Variants in AGBL1 observed in about 807,000 individuals in gnomAD.
AGBL1 encodes the protein AGBL carboxypeptidase 1.
Under a neutral mutation model 118.9 loss-of-function variants are expected in AGBL1, and 130 were observed. The ratio of observed to expected loss-of-function variants is 1.09; its 90% CI spans 0.95 to 1.26. AGBL1 has a LOEUF of 1.26. Ranked by LOEUF, AGBL1 falls within the 50% of genes most tolerant of loss-of-function variation. The probability of loss-of-function intolerance (pLI) is 0.00; values close to 1 mark genes in which losing one functional copy is unlikely to be tolerated. For synonymous variants in AGBL1, 555 were observed against 478.9 expected, an observed-to-expected ratio of 1.16 and a Z score of -2.08; for missense variants, 1,584 against 1,298.1, an observed-to-expected ratio of 1.22 and a Z score of -3.38.
At chr15:86,639,852 G>A (rs1290539133) in intron 21 of AGBL1, among the ~76,000 whole-genome samples, 2 of 152,142 alleles carry the variant, frequency 1.3e-5, no homozygotes, top group Non-Finnish European at 2.9e-5. Flanking sequence ...ATCACATTAC[G>A]TTTTCTGGGT....
chr15:86,381,788 A>G (rs1329349641), intron 17 of AGBL1, among the ~76,000 whole-genome samples: 2 of 152,176 alleles, frequency 1.3e-5, no homozygotes, highest in Non-Finnish European at 2.9e-5. Context: ...CAGGAGCAGA[A>G]CAGAGCATAT....
chr15:86,459,233 AT>A (rs373648921), intron 18 of AGBL1, among the ~76,000 whole-genome samples: 12 of 152,172 alleles, frequency 7.9e-5, no homozygotes, highest in African/African-American at 2.9e-4. Flanking sequence ...GTAATATCAC[AT>A]TTATAGAACT....
intron 1 of AGBL1, among the ~76,000 whole-genome samples, chr15:86,096,969 G>A (rs966693226): frequency 6.6e-6 from 1 of 152,076 alleles, no homozygotes; most frequent in African/African-American, 2.4e-5. Context: ...TTAATAGGAG[G>A]GACCTAAAAC....
At chr15:86,284,070 T>G (rs1372465582) in intron 16 of AGBL1, among the ~76,000 whole-genome samples, 1 of 151,894 alleles carries the variant, frequency 6.6e-6, no homozygotes, top group South Asian at 2.1e-4. Flanking sequence ...GTCTACATCT[T>G]GTAAGCAATA....
intron 22 of AGBL1, among the ~76,000 whole-genome samples, chr15:86,756,233 T>G (rs12899177): frequency 0.05 from 7,548 of 150,964 alleles, 249 homozygotes; most frequent in Non-Finnish European, 0.077. Context: ...ATTCCAGTAG[T>G]GCCCCCGCCC....
intron 3 of AGBL1, 94 bp downstream of exon 3, chr15:86,143,939 G>A: frequency 6.9e-7 from 1 of 1,440,518 alleles, no homozygotes; most frequent in Non-Finnish European, 9.3e-7. Context: ...GAGTAGCACA[G>A]GGAGAAAGCG....
chr15:86,815,624 C>T (rs2078847926), intron 22 of AGBL1, among the ~76,000 whole-genome samples: 1 of 152,064 alleles, frequency 6.6e-6, no homozygotes, highest in Non-Finnish European at 1.5e-5. Context: ...GAAAGACAAG[C>T]ACCCAGGAGA....
In AGBL1 at chr15:86,554,170, T is replaced by C. The variant is rs148419675; in HGVS notation, c.2818-191T>C. On this transcript the variant is annotated intron_variant, in intron 20 of 22. Coordinates refer to ENST00000614907, the MANE Select transcript of AGBL1 (RefSeq NM_001386094.1). The stretch of plus-strand genomic sequence containing the variant: ...CCACCGCTCCTGGCCTATTTCTACC[T>C]TTTCTAAGCCTGTTTCCTCATCTGC... Among the ~76,000 whole-genome samples, 429 of 152,318 alleles carry C rather than the reference T, an allele frequency of 2.8e-3. 4 individuals carry two copies. Among genetic ancestry groups the C allele is most frequent in the African/African-American group, 0.01 (416 of 41,564 alleles).
chr15:86,337,548 C>T (rs1897031560), intron 17 of AGBL1, among the ~76,000 whole-genome samples: 3 of 152,178 alleles, frequency 2.0e-5, no homozygotes, highest in Non-Finnish European at 4.4e-5. Context: ...GAGATCATAT[C>T]CTTTGCAGGG....
intron 1 of AGBL1, among the ~76,000 whole-genome samples, chr15:86,115,713 T>C (rs575816405): frequency 6.6e-6 from 1 of 152,296 alleles, no homozygotes; most frequent in South Asian, 2.1e-4. Context: ...TCTCTCGGGT[T>C]CTCTTTCTTC....
At chr15:86,485,122 A>G (rs929049991) in intron 18 of AGBL1, among the ~76,000 whole-genome samples, 6 of 152,148 alleles carry the variant, frequency 3.9e-5, no homozygotes, top group African/African-American at 1.4e-4. Context: ...ACAGGCGGGA[A>G]TAGAAGATCT....
At chr15:86,283,240 A>G (rs946845798) in intron 16 of AGBL1, among the ~76,000 whole-genome samples, 5 of 152,144 alleles carry the variant, frequency 3.3e-5, no homozygotes, top group Non-Finnish European at 2.9e-5. Flanking sequence ...AGCCAGTAGT[A>G]TTGGTTGAAA....
chr15:86,112,502 G>A (rs967883526), intron 1 of AGBL1, among the ~76,000 whole-genome samples: 4 of 152,078 alleles, frequency 2.6e-5, no homozygotes, highest in Admixed American at 6.5e-5. Context: ...TTTATTTAAC[G>A]TTAGACATTT....
At chr15:86,880,658 T>C (rs1230388679) in intron 22 of AGBL1, among the ~76,000 whole-genome samples, 1 of 152,102 alleles carries the variant, frequency 6.6e-6, no homozygotes, top group Admixed American at 6.6e-5. Context: ...TGCATGTGTG[T>C]GGATGTGAGT....
intron 24 of AGBL1, among the ~76,000 whole-genome samples, chr15:87,027,182 C>A (rs1320871169): frequency 6.6e-6 from 1 of 151,838 alleles, no homozygotes; most frequent in African/African-American, 2.4e-5. Context: ...TGAAAAATAG[C>A]TCAACATCAC....
At chr15:86,484,348 T>C (rs868855276) in intron 18 of AGBL1, among the ~76,000 whole-genome samples, 14 of 152,220 alleles carry the variant, frequency 9.2e-5, no homozygotes, top group Admixed American at 5.2e-4. Flanking sequence ...CAGCGAATCA[T>C]TTTTATTTGT....
chr15:86,474,347 G>T (rs907188473), intron 18 of AGBL1, among the ~76,000 whole-genome samples: 1 of 152,182 alleles, frequency 6.6e-6, no homozygotes, highest in Non-Finnish European at 1.5e-5. Context: ...TGTGACAGAT[G>T]GCACCTGGAA....
chr15:86,232,754 C>A (rs898296567), intron 6 of AGBL1, among the ~76,000 whole-genome samples: 1 of 152,130 alleles, frequency 6.6e-6, no homozygotes, highest in African/African-American at 2.4e-5. Flanking sequence ...CTTTGATAAC[C>A]TGTTATCTTC....
chr15:86,439,915 G>A (rs2082041732), intron 18 of AGBL1, among the ~76,000 whole-genome samples: 1 of 152,180 alleles, frequency 6.6e-6, no homozygotes, highest in Admixed American at 6.5e-5. Context: ...CGGCCCCAGT[G>A]AGAACGGCCA....
Sources: allele counts gnomAD v4.1 joint callset (sites outside exome capture counted in the v4.1 genomes callset), GRCh38; gene constraint gnomAD v4.1.1; transcripts MANE v1.5; gene names NCBI Gene and HGNC (gene_info 2026-07-23, HGNC 2026-07-21).